The following APH1B variants were observed in gnomAD, a reference collection of about 807,000 sequenced individuals.
APH1B encodes gamma-secretase subunit APH-1B.
A neutral mutation model predicts 28.2 loss-of-function variants in APH1B; 27 were observed. That is an observed-to-expected ratio of 0.96 (90% CI 0.70 to 1.32). The LOEUF is 1.32. APH1B is among the 40% of genes most tolerant of loss of function. APH1B has a pLI of 0.00. For missense variants in APH1B, 305 were observed against 313.6 expected, an observed-to-expected ratio of 0.97 and a Z score of 0.21; for synonymous variants, 141 against 124.6, an observed-to-expected ratio of 1.13 and a Z score of -0.88.
At chr15:63,287,621 G>C in intron 4 of APH1B, 75 bp downstream of exon 4, 2 of 1,513,312 alleles carry the variant, frequency 1.3e-6, no homozygotes, top group Non-Finnish European at 1.8e-6. Flanking sequence ...ACTGGCTTAG[G>C]AATTTCAGTG....
At position 63,305,840 on chromosome 15, in the gene APH1B, T is replaced by C. The variant is rs778479208; in HGVS notation, c.*59T>C. On this transcript the variant is annotated 3_prime_UTR_variant, in exon 6 of 6. Coordinates refer to ENST00000261879, the MANE Select transcript of APH1B (RefSeq NM_031301.4). ...TACATCTTTAGAGGAAGCACAACTG[T>C]GCCTTTTTCTGAAAATCCCTTTTTC... 5.2e-6 allele frequency: 8 copies of C among 1,547,900 alleles called. No individual in the cohort carries two copies. The highest frequency in any genetic ancestry group is 1.2e-5 in the South Asian group (1 of 82,130).
intron 4 of APH1B, among the ~76,000 whole-genome samples, chr15:63,295,147 A>C: frequency 6.6e-6 from 1 of 152,244 alleles, no homozygotes; most frequent in East Asian, 1.9e-4. Flanking sequence ...CAGGTTTGAG[A>C]GCTTGTTTGG....
intron 4 of APH1B, among the ~76,000 whole-genome samples, chr15:63,290,222 T>C (rs1431689454): frequency 6.6e-6 from 1 of 152,234 alleles, no homozygotes; most frequent in Non-Finnish European, 1.5e-5. Flanking sequence ...TAGGCTCTTA[T>C]GTTACAAACA....
In APH1B at chr15:63,286,632, A is replaced by G. The variant is rs2038450000; in HGVS notation, c.355+4A>G. 6.2e-7 allele frequency: 1 copy of G among 1,600,086 alleles called. No homozygotes were observed. The highest frequency in any genetic ancestry group is 1.4e-5 in the African/African-American group (1 of 73,814). ...TCTATGCGACTGCTGGCCTATGGTA[A>G]GTTAGAACCACATGGTTTCATTAAG... On this transcript the variant is annotated splice_donor_region_variant and intron_variant, in intron 3 of 5. Transcript: ENST00000261879.
At chr15:63,294,369 AG>A (rs563126635) in intron 4 of APH1B, among the ~76,000 whole-genome samples, 64 of 152,282 alleles carry the variant, frequency 4.2e-4, no homozygotes, top group Non-Finnish European at 7.6e-4. Context: ...GATCCCATGC[AG>A]CTCCATGGCC....
chr15:63,288,920 T>G (rs1567029353), intron 4 of APH1B, among the ~76,000 whole-genome samples: 1 of 152,202 alleles, frequency 6.6e-6, no homozygotes, highest in South Asian at 2.1e-4. Flanking sequence ...AACACGGCTC[T>G]CTCTCCCTGC....
At chr15:63,285,225 A>G (rs1339838893) in intron 2 of APH1B, among the ~76,000 whole-genome samples, 4 of 152,196 alleles carry the variant, frequency 2.6e-5, no homozygotes, top group Admixed American at 6.5e-5. Flanking sequence ...AATGTAATCA[A>G]TGATATTTAT....
At chr15:63,292,823 A>T (rs2038519571) in intron 4 of APH1B, among the ~76,000 whole-genome samples, 1 of 152,248 alleles carries the variant, frequency 6.6e-6, no homozygotes, top group South Asian at 2.1e-4. Context: ...AGCTTGTGAT[A>T]CATTATGAAA....
chr15:63,292,582 G>A (rs1372222483), intron 4 of APH1B, among the ~76,000 whole-genome samples: 4 of 151,940 alleles, frequency 2.6e-5, no homozygotes, highest in Admixed American at 6.6e-5. Context: ...GGAGATGGGG[G>A]TCTCCTTATG....
intron 4 of APH1B, chr15:63,291,811 G>C (rs1163783605): frequency 6.6e-6 from 1 of 152,216 alleles, no homozygotes; most frequent in Non-Finnish European, 1.5e-5. Flanking sequence ...GTATTTGCAT[G>C]ATTGGACCTT....
chr15:63,293,432 G>A (rs901295072), intron 4 of APH1B, among the ~76,000 whole-genome samples: 3 of 151,752 alleles, frequency 2.0e-5, no homozygotes, highest in African/African-American at 7.3e-5. Context: ...CGCCCAGATT[G>A]CTGGGATTAC....
intron 2 of APH1B, among the ~76,000 whole-genome samples, chr15:63,285,854 G>A (rs1047958839): frequency 6.6e-5 from 10 of 152,278 alleles, no homozygotes; most frequent in South Asian, 4.1e-4. Flanking sequence ...AAGATACAAC[G>A]AAAGTATCAG....
chr15:63,305,910 A>G lies in APH1B; in HGVS notation c.*129A>G. 1 of 1,252,534 alleles carries G rather than the reference A, an allele frequency of 8.0e-7. No individual in the cohort carries two copies. The allele number at this position is 1,252,534 out of a possible 1,614,324, so 77.6% of individuals were successfully genotyped here. On this transcript the variant is annotated 3_prime_UTR_variant, in exon 6 of 6. Transcript: ENST00000261879. Reference sequence around the variant, plus strand: ...ATAAAACTATGCAGATATGCGTTCCATTCACTTGGCTTTCACACAACTGCT... The same window carrying G: ...ATAAAACTATGCAGATATGCGTTCCGTTCACTTGGCTTTCACACAACTGCT...
intron 4 of APH1B, among the ~76,000 whole-genome samples, chr15:63,290,688 A>G (rs1222994482): frequency 2.6e-5 from 4 of 152,240 alleles, no homozygotes; most frequent in Non-Finnish European, 5.9e-5. Context: ...CACAGGCGTC[A>G]TTAAGTAATG....
chr15:63,294,681 A>G (rs1037927205), intron 4 of APH1B, among the ~76,000 whole-genome samples: 12 of 152,254 alleles, frequency 7.9e-5, no homozygotes, highest in African/African-American at 2.9e-4. Flanking sequence ...CTTTGGAGGA[A>G]TTAATCAGCT....
intron 4 of APH1B, among the ~76,000 whole-genome samples, chr15:63,295,988 C>A (rs551554715): frequency 2.0e-5 from 3 of 152,096 alleles, no homozygotes; most frequent in Non-Finnish European, 2.9e-5. Context: ...TCTAGGGGGA[C>A]TTTAAACATT....
At chr15:63,281,555 A>G (rs1403954781) in intron 2 of APH1B, among the ~76,000 whole-genome samples, 1 of 151,936 alleles carries the variant, frequency 6.6e-6, no homozygotes, top group Non-Finnish European at 1.5e-5. Context: ...AAAAAAACAA[A>G]AAAAAACACA....
chr15:63,290,403 A>G (rs1464941616), intron 4 of APH1B, among the ~76,000 whole-genome samples: 1 of 152,178 alleles, frequency 6.6e-6, no homozygotes, highest in Non-Finnish European at 1.5e-5. Flanking sequence ...CTGGCTCATT[A>G]ATTTAGTATT....
At chr15:63,305,462 C>A in intron 5 of APH1B, 152 bp from the exon 6 acceptor site, 1 of 818,234 alleles carries the variant, frequency 1.2e-6, no homozygotes, top group Non-Finnish European at 1.9e-6. Flanking sequence ...GTTCTACATG[C>A]CTCAGGGCCT....
Sources: gnomAD v4.1 joint callset for allele counts (sites outside exome capture counted in the v4.1 genomes callset) on GRCh38, gnomAD v4.1.1 for gene constraint, MANE v1.5 for transcripts, NCBI Gene and HGNC (gene_info 2026-07-23, HGNC 2026-07-21) for gene names.